Variants in LOC128462377 observed in about 807,000 individuals in gnomAD.
chr16:89,402,388 G>A, the LOC128462377 span, among the ~76,000 whole-genome samples: 1 of 152,108 alleles, frequency 6.6e-6, no homozygotes, highest in East Asian at 1.9e-4. Flanking sequence ...TAAATCGGTA[G>A]GCACATCAAT....
At chr16:89,358,330 G>A in the LOC128462377 span, among the ~76,000 whole-genome samples, 3 of 152,200 alleles carry the variant, frequency 2.0e-5, no homozygotes, top group Non-Finnish European at 2.9e-5. Flanking sequence ...CATATTCACG[G>A]GAGTGAACAT....
At chr16:89,326,603 G>A in the LOC128462377 span, among the ~76,000 whole-genome samples, 2 of 152,130 alleles carry the variant, frequency 1.3e-5, no homozygotes, top group South Asian at 2.1e-4. Flanking sequence ...TTAATCAGTC[G>A]AGGTGGCACG....
At chr16:89,367,408 C>G in the LOC128462377 span, among the ~76,000 whole-genome samples, 3 of 152,222 alleles carry the variant, frequency 2.0e-5, no homozygotes, top group African/African-American at 7.2e-5. Context: ...CTCAACGCAA[C>G]CTTAGCCGGC....
chr16:89,330,404 G>T, the LOC128462377 span, among the ~76,000 whole-genome samples: 1 of 152,054 alleles, frequency 6.6e-6, no homozygotes, highest in Non-Finnish European at 1.5e-5. Flanking sequence ...GTGGCCGCTC[G>T]CACACCGGGA....
chr16:89,343,115 A>G, the LOC128462377 span, among the ~76,000 whole-genome samples: 1 of 152,110 alleles, frequency 6.6e-6, no homozygotes, highest in Non-Finnish European at 1.5e-5. Context: ...CAGCCTCCCG[A>G]GTAGCTGGGA....
chr16:89,366,257 GTCT>G, the LOC128462377 span, among the ~76,000 whole-genome samples: 2 of 151,574 alleles, frequency 1.3e-5, no homozygotes, highest in Non-Finnish European at 2.9e-5. Flanking sequence ...TGGATTCCAT[GTCT>G]TCTTCTGTGA....
the LOC128462377 span, among the ~76,000 whole-genome samples, chr16:89,377,898 C>A: frequency 6.6e-6 from 1 of 152,074 alleles, no homozygotes; most frequent in Non-Finnish European, 1.5e-5. Context: ...CACCCCTCCT[C>A]CTTCTACTCA....
At chr16:89,387,508 T>C in the LOC128462377 span, among the ~76,000 whole-genome samples, 3 of 150,464 alleles carry the variant, frequency 2.0e-5, no homozygotes, top group Admixed American at 6.6e-5. Flanking sequence ...CCATCTCTAC[T>C]AAAAATACAA....
chr16:89,360,595 G>T, the LOC128462377 span: 1 of 152,098 alleles, frequency 6.6e-6, no homozygotes, highest in African/African-American at 2.4e-5. Context: ...GCATGAAGTC[G>T]GGAATGACAG....
the LOC128462377 span, among the ~76,000 whole-genome samples, chr16:89,355,833 T>A: frequency 6.6e-6 from 1 of 152,172 alleles, no homozygotes; most frequent in Admixed American, 6.5e-5. Context: ...GTGGCTCTCC[T>A]GTGCGCAGCC....
chr16:89,396,665 G>T, the LOC128462377 span, among the ~76,000 whole-genome samples: 1 of 152,050 alleles, frequency 6.6e-6, no homozygotes, highest in Admixed American at 6.6e-5. Context: ...TTAAGGAAAT[G>T]CTCCTCTAAT....
the LOC128462377 span, among the ~76,000 whole-genome samples, chr16:89,370,409 C>T: frequency 2.6e-5 from 4 of 152,180 alleles, no homozygotes; most frequent in Admixed American, 6.5e-5. Context: ...TAGGATCCTA[C>T]AGGATCCTGA....
chr16:89,405,491 A>ATTTTTTTTTTTTT, the LOC128462377 span, among the ~76,000 whole-genome samples: 1 of 111,476 alleles, frequency 9.0e-6, no homozygotes. Flanking sequence ...CACCTGGCTC[A>ATTTTTTTTTTTTT]TTTTTTTTTT....
At chr16:89,354,218 T>C in the LOC128462377 span, among the ~76,000 whole-genome samples, 1 of 138,096 alleles carries the variant, frequency 7.2e-6, no homozygotes, top group African/African-American at 2.7e-5. Flanking sequence ...ATTTTACATA[T>C]ATATAACTAA....
At chr16:89,380,486 C>A in the LOC128462377 span, among the ~76,000 whole-genome samples, 2 of 152,154 alleles carry the variant, frequency 1.3e-5, no homozygotes. Flanking sequence ...TTCCTTGGGG[C>A]TACTCCAGAG....
chr16:89,407,857 A>G, the LOC128462377 span, among the ~76,000 whole-genome samples: 1 of 140,276 alleles, frequency 7.1e-6, no homozygotes, highest in African/African-American at 2.9e-5. Flanking sequence ...CCCTCCAAAA[A>G]AAAAAAAAAA....
At chr16:89,336,344 C>T in the LOC128462377 span, among the ~76,000 whole-genome samples, 43 of 152,340 alleles carry the variant, frequency 2.8e-4, 1 homozygote, top group South Asian at 4.3e-3. Flanking sequence ...CCAAGATTGT[C>T]GTCAGACCTA....
At chr16:89,411,121 G>T in the LOC128462377 span, among the ~76,000 whole-genome samples, 1 of 152,266 alleles carries the variant, frequency 6.6e-6, no homozygotes. Flanking sequence ...GGGTGGCCAG[G>T]GCAGAAGGCA....
At chr16:89,347,121 C>G in the LOC128462377 span, among the ~76,000 whole-genome samples, 1 of 152,060 alleles carries the variant, frequency 6.6e-6, no homozygotes, top group Admixed American at 6.5e-5. Context: ...AGGTGTCTCT[C>G]GTTGGTCCGG....
Sources: allele counts gnomAD v4.1 joint callset (sites outside exome capture counted in the v4.1 genomes callset), GRCh38; gene constraint gnomAD v4.1.1; transcripts MANE v1.5.